Variants in EBF1 observed in about 807,000 individuals in gnomAD.
EBF1 encodes EBF transcription factor 1, also known as transcription factor COE1.
In EBF1, 10 loss-of-function variants were observed where a neutral mutation model predicts 68.4. That is an observed-to-expected ratio of 0.15 (90% CI 0.09 to 0.25). EBF1 has a LOEUF of 0.25. Among genes scored for constraint, EBF1 ranks in the 10% least tolerant of loss-of-function variants. The pLI is 1.00. For missense variants in EBF1, 509 were observed against 794.4 expected (o/e 0.64, Z 4.32); for synonymous variants, 298 against 299.8 (o/e 0.99, Z 0.06).
intron 6 of EBF1, among the ~76,000 whole-genome samples, chr5:158,955,179 C>T (rs898586934): frequency 1.3e-5 from 2 of 152,092 alleles, no homozygotes; most frequent in East Asian, 1.9e-4. Context: ...AAAAATCAGC[C>T]GGGAGTGGTG....
At chr5:159,055,218 A>G (rs180948561) in intron 6 of EBF1, among the ~76,000 whole-genome samples, 195 of 152,348 alleles carry the variant, frequency 1.3e-3, no homozygotes, top group African/African-American at 4.5e-3. Flanking sequence ...CACATGTTTA[A>G]TAATAGGTAC....
At chr5:158,814,961 G>T (rs777576749) in intron 8 of EBF1, among the ~76,000 whole-genome samples, 1 of 152,102 alleles carries the variant, frequency 6.6e-6, no homozygotes, top group Non-Finnish European at 1.5e-5. Context: ...TTTTTAAAAA[G>T]ATATGCTCTG....
At chr5:158,738,937 C>T (rs1001906746) in intron 10 of EBF1, among the ~76,000 whole-genome samples, 1 of 152,174 alleles carries the variant, frequency 6.6e-6, no homozygotes, top group Non-Finnish European at 1.5e-5. Flanking sequence ...TACACATGAA[C>T]AAGCCGTTTG....
chr5:158,783,845 C>A (rs1352770332), intron 9 of EBF1, among the ~76,000 whole-genome samples: 1 of 152,176 alleles, frequency 6.6e-6, no homozygotes, highest in African/African-American at 2.4e-5. Flanking sequence ...GCACGTAGAA[C>A]TCCAAAGAGG....
chr5:158,951,998 G>C (rs1006874726), intron 6 of EBF1, among the ~76,000 whole-genome samples: 1 of 152,086 alleles, frequency 6.6e-6, no homozygotes, highest in South Asian at 2.1e-4. Flanking sequence ...GTCGACTACC[G>C]AGCACTCAGG....
intron 8 of EBF1, among the ~76,000 whole-genome samples, chr5:158,805,529 A>G (rs1241472548): frequency 6.6e-6 from 1 of 152,154 alleles, no homozygotes; most frequent in Non-Finnish European, 1.5e-5. Flanking sequence ...ATGCGTGCAG[A>G]TAATTTAGCA....
intron 11 of EBF1, among the ~76,000 whole-genome samples, chr5:158,724,912 A>G (rs771436919): frequency 5.9e-5 from 9 of 152,222 alleles, no homozygotes; most frequent in Non-Finnish European, 1.3e-4. Context: ...ATGAACTGAG[A>G]CTATAAACAT....
At chr5:159,082,193 G>A (rs1041301887) in intron 5 of EBF1, among the ~76,000 whole-genome samples, 2 of 151,476 alleles carry the variant, frequency 1.3e-5, no homozygotes, top group South Asian at 2.1e-4. Flanking sequence ...TTGTCTTGTC[G>A]ATCTAAATTC....
intron 6 of EBF1, among the ~76,000 whole-genome samples, chr5:159,024,377 A>G (rs927412531): frequency 6.6e-6 from 1 of 152,230 alleles, no homozygotes; most frequent in Non-Finnish European, 1.5e-5. Flanking sequence ...TCTTGGAGAA[A>G]CTACGTAATT....
chr5:158,886,668 C>T (rs911428889), intron 6 of EBF1, among the ~76,000 whole-genome samples: 2 of 152,178 alleles, frequency 1.3e-5, no homozygotes, highest in African/African-American at 4.8e-5. Context: ...TGAGAAAATG[C>T]ATACTTATTT....
intron 6 of EBF1, among the ~76,000 whole-genome samples, chr5:158,860,454 G>T (rs1333377886): frequency 6.6e-6 from 1 of 152,168 alleles, no homozygotes; most frequent in Non-Finnish European, 1.5e-5. Context: ...TCTGACATAA[G>T]AATGCAGATC....
At chr5:158,708,575 T>C (rs1036616931) in intron 14 of EBF1, among the ~76,000 whole-genome samples, 6 of 151,932 alleles carry the variant, frequency 3.9e-5, no homozygotes, top group African/African-American at 1.5e-4. Context: ...GAAACAAAAG[T>C]GCAACACCCT....
chr5:158,887,406 T>A (rs867023351), intron 6 of EBF1, among the ~76,000 whole-genome samples: 63 of 152,336 alleles, frequency 4.1e-4, no homozygotes, highest in Middle Eastern at 3.4e-3. Context: ...AATGTATACG[T>A]CCTTTCTTCA....
At chr5:158,700,185 T>C (rs1756431688) in intron 15 of EBF1, among the ~76,000 whole-genome samples, 1 of 152,268 alleles carries the variant, frequency 6.6e-6, no homozygotes, top group Non-Finnish European at 1.5e-5. Context: ...GCTTAACTTT[T>C]CTGAGGTGTA....
chr5:158,766,703 T>C (rs1301034814), intron 10 of EBF1, among the ~76,000 whole-genome samples: 7 of 152,130 alleles, frequency 4.6e-5, no homozygotes, highest in African/African-American at 1.4e-4. Context: ...AAGCAAATTA[T>C]GGTGCAGCCA....
At chr5:158,773,473 C>G (rs960475976) in intron 10 of EBF1, among the ~76,000 whole-genome samples, 10 of 152,080 alleles carry the variant, frequency 6.6e-5, no homozygotes, top group African/African-American at 2.4e-4. Flanking sequence ...TGATAAGTGA[C>G]CTAACCAGAC....
rs1313191545 is a variant in EBF1, at chr5:159,098,800, G to A, written c.134+545C>T. On this transcript the variant is annotated intron_variant, in intron 1 of 15. Transcript: ENST00000313708. ...AGGAGAAGAGAAGAAAATAAAGGGG[G>A]GAGAAAGGAAAGAAGGAAGAAAGAA... 7.9e-5 allele frequency among the ~76,000 whole-genome samples: 11 copies of A among 138,640 alleles called. No individual in the cohort carries two copies. In the Admixed American group the frequency reaches 8.4e-4, roughly 11 times the overall value. 91.0% of individuals were successfully genotyped at this position (138,640 alleles called of 152,430 possible). A position where few individuals can be genotyped will look rare whatever the true frequency, so the allele number is the denominator to read the frequency against.
Position 158,973,217 on chromosome 5 carries a change from T to G in EBF1, c.554+100179A>C, listed in dbSNP as rs149612054. Among the ~76,000 whole-genome samples the G allele has an allele frequency of 2.5e-3, 384 of 152,334 alleles. 3 individuals carry two copies. The highest frequency in any genetic ancestry group is 4.0e-3 in the Admixed American group (61 of 15,306). On this transcript the variant is annotated intron_variant, in intron 6 of 15. Transcript: ENST00000313708. ...ATTGCTAAGATCAGTGCCTGGATCT[T>G]GAAAGGTACTCAGTAAATACTTGTT...
chr5:158,769,305 C>T (rs193054404), intron 10 of EBF1, among the ~76,000 whole-genome samples: 8 of 152,184 alleles, frequency 5.3e-5, no homozygotes, highest in East Asian at 1.9e-4. Flanking sequence ...ATCTCTCTCC[C>T]GGCCTTATCA....
Sources: allele counts gnomAD v4.1 joint callset (sites outside exome capture counted in the v4.1 genomes callset), GRCh38; gene constraint gnomAD v4.1.1; transcripts MANE v1.5; gene names NCBI Gene and HGNC (gene_info 2026-07-23, HGNC 2026-07-21).